The following RERE variants were observed in gnomAD, a reference collection of about 807,000 sequenced individuals.
RERE encodes the protein arginine-glutamic acid dipeptide repeats.
A neutral mutation model predicts 146.1 loss-of-function variants in RERE; 40 were observed. That is an observed-to-expected ratio of 0.27 (90% CI 0.21 to 0.36). The LOEUF (loss-of-function observed/expected upper bound fraction) is 0.36. Among genes scored for constraint, RERE ranks in the 10% least tolerant of loss-of-function variants. RERE has a pLI of 1.00. For missense variants in RERE, 1,933 were observed against 2,138.7 expected (o/e 0.90, Z 1.90); for synonymous variants, 1,003 against 866.0 (o/e 1.16, Z -2.78).
intron 1 of RERE, among the ~76,000 whole-genome samples, chr1:8,665,524 G>A (rs542058686): frequency 6.6e-6 from 1 of 152,246 alleles, no homozygotes; most frequent in Non-Finnish European, 1.5e-5. Flanking sequence ...ATAAATAACT[G>A]AAGAGGTACT....
intron 12 of RERE, among the ~76,000 whole-genome samples, chr1:8,376,232 G>C (rs916640997): frequency 3.3e-5 from 5 of 152,134 alleles, no homozygotes; most frequent in South Asian, 2.1e-4. Flanking sequence ...GGAGTTCAAC[G>C]CAATAGCATC....
intron 12 of RERE, among the ~76,000 whole-genome samples, chr1:8,371,558 C>G (rs1312891834): frequency 6.6e-6 from 1 of 152,162 alleles, no homozygotes; most frequent in Non-Finnish European, 1.5e-5. Context: ...GGAGGGACAG[C>G]TCAGCGGCAG....
intron 1 of RERE, among the ~76,000 whole-genome samples, chr1:8,762,417 C>T (rs1640772162): frequency 6.6e-6 from 1 of 152,198 alleles, no homozygotes; most frequent in Non-Finnish European, 1.5e-5. Flanking sequence ...GGTTATAACA[C>T]AAGCTTTTCA....
intron 4 of RERE, among the ~76,000 whole-genome samples, chr1:8,574,371 G>A (rs1323319565): frequency 2.7e-5 from 3 of 111,080 alleles, no homozygotes; most frequent in Non-Finnish European, 5.0e-5. Context: ...TTGAGACGCA[G>A]TCTCGCTCTG....
chr1:8,636,729 G>T (rs1326582585), intron 2 of RERE, among the ~76,000 whole-genome samples: 2 of 152,046 alleles, frequency 1.3e-5, no homozygotes, highest in African/African-American at 2.4e-5. Flanking sequence ...TCAACTTCTG[G>T]AAACTGAATC....
intron 4 of RERE, among the ~76,000 whole-genome samples, chr1:8,593,055 ATCTCAT>A (rs1646513842): frequency 6.6e-6 from 1 of 152,142 alleles, no homozygotes; most frequent in East Asian, 1.9e-4. Flanking sequence ...CTGTTTGTGG[ATCTCAT>A]TCTGTGCTGA....
intron 10 of RERE, among the ~76,000 whole-genome samples, chr1:8,472,032 GAACTCCTGACCTCA>G (rs1052659704): frequency 3.3e-5 from 5 of 152,090 alleles, no homozygotes; most frequent in Non-Finnish European, 7.4e-5. Context: ...GGCTGGTCTT[GAACTCCTGACCTCA>G]GGTGATCTGC....
chr1:8,503,790 T>C (rs2124279595), intron 8 of RERE, among the ~76,000 whole-genome samples: 1 of 152,344 alleles, frequency 6.6e-6, no homozygotes, highest in Middle Eastern at 3.4e-3. Context: ...GATATATTAA[T>C]TTGCTTATAC....
At chr1:8,476,400 C>T (rs1644757383) in intron 10 of RERE, among the ~76,000 whole-genome samples, 1 of 152,056 alleles carries the variant, frequency 6.6e-6, no homozygotes, top group Non-Finnish European at 1.5e-5. Flanking sequence ...GGTACGGGGA[C>T]TTTTTCCGCT....
chr1:8,482,452 C>A (rs1015170181), intron 10 of RERE, among the ~76,000 whole-genome samples: 1 of 151,874 alleles, frequency 6.6e-6, no homozygotes, highest in African/African-American at 2.4e-5. Flanking sequence ...GAGGCTGAGG[C>A]GGGTGGATCA....
intron 1 of RERE, among the ~76,000 whole-genome samples, chr1:8,661,738 G>A (rs1638461417): frequency 6.6e-6 from 1 of 152,196 alleles, no homozygotes; most frequent in African/African-American, 2.4e-5. Context: ...TTCATGGGGA[G>A]ACCAGGAATT....
At chr1:8,637,959 C>A (rs534566555) in intron 2 of RERE, among the ~76,000 whole-genome samples, 2 of 152,114 alleles carry the variant, frequency 1.3e-5, no homozygotes, top group Admixed American at 1.3e-4. Context: ...CTGTTTAGAA[C>A]GGAGAATATT....
At chr1:8,496,150 T>TAAAAAAAAAAAAAAAAAA (rs36115213) in intron 9 of RERE, among the ~76,000 whole-genome samples, 17 of 118,422 alleles carry the variant, frequency 1.4e-4, no homozygotes, top group African/African-American at 5.8e-4. Context: ...GACCCTGTCT[T>TAAAAAAAAAAAAAAAAAA]AAAAAAAAAA....
At position 8,624,344 on chromosome 1, in the gene RERE, G is replaced by A. The variant is rs1646949953; in HGVS notation, c.362C>T (p.Pro121Leu). The change falls in exon 3 of 23, where the codon CCG becomes CTG. Residue 121 changes from proline to leucine, a missense_variant. Around this residue, in one of 11 missense-constraint regions of RERE, gnomAD observed 74 missense variants for 99.6 expected, o/e 0.74. Coordinates refer to ENST00000400908, the MANE Select transcript of RERE (RefSeq NM_001042681.2). ...VYIESRRPNT[P>L]YFICSIQDFK... ...GTCTTGAATGCTACAGATGAAATAC[G>A]GTGTGTTTGGCCTCCGACTCTCGAT... is the stretch of plus-strand genomic sequence containing the variant. 6.2e-7 allele frequency: 1 copy of A among 1,611,248 alleles called. No homozygotes were observed.
chr1:8,770,787 T>G (rs925993254), intron 1 of RERE, among the ~76,000 whole-genome samples: 1 of 152,208 alleles, frequency 6.6e-6, no homozygotes, highest in African/African-American at 2.4e-5. Context: ...TAGGAATTCA[T>G]CCTGTAAAAA....
chr1:8,557,126 G>A (rs537619712), intron 5 of RERE, among the ~76,000 whole-genome samples: 1 of 152,160 alleles, frequency 6.6e-6, no homozygotes, highest in East Asian at 1.9e-4. Flanking sequence ...AGTGGAGCAG[G>A]ATCAGGGCCA....
At position 8,570,363 on chromosome 1, in the gene RERE, A is replaced by T. The variant is rs191606782; in HGVS notation, c.523-12840T>A. Among the ~76,000 whole-genome samples the T allele has an allele frequency of 3.2e-3, 485 of 152,084 alleles. 3 individuals carry two copies. Among genetic ancestry groups the T allele is most frequent in the African/African-American group, 0.011 (452 of 41,522 alleles). On this transcript the variant is annotated intron_variant, in intron 4 of 22. Transcript: ENST00000400908. ...AATAATAATAAAAATAAAAAAATAA[A>T]TTTTTTTGTAATTTATGAATTCATT...
chr1:8,403,087 C>T (rs771584768), intron 12 of RERE, among the ~76,000 whole-genome samples: 9 of 151,968 alleles, frequency 5.9e-5, no homozygotes, highest in Admixed American at 1.3e-4. Flanking sequence ...TTAGTAGAGA[C>T]GGGGTTTCAC....
intron 11 of RERE, among the ~76,000 whole-genome samples, chr1:8,436,663 G>C (rs1159304483): frequency 6.6e-6 from 1 of 151,970 alleles, no homozygotes; most frequent in Non-Finnish European, 1.5e-5. Flanking sequence ...AAAAATGTAA[G>C]TTTTACTCTT....
Sources: allele counts gnomAD v4.1 joint callset (sites outside exome capture counted in the v4.1 genomes callset), GRCh38; gene constraint gnomAD v4.1.1; regional missense constraint gnomAD v4.1.1; transcripts MANE v1.5; gene names NCBI Gene and HGNC (gene_info 2026-07-23, HGNC 2026-07-21).